TENM3: variants seen among roughly 807,000 people sequenced by gnomAD.
TENM3 encodes teneurin-3.
TENM3 carries 63 observed loss-of-function variants against 255.1 expected under a neutral mutation model. That is an observed-to-expected ratio of 0.25 (90% CI 0.20 to 0.30). TENM3 has a LOEUF of 0.30. TENM3 is among the 10% of genes least tolerant of loss of function. The pLI is 1.00. For synonymous variants in TENM3, 1,306 were observed against 1,322.3 expected (o/e 0.99, Z 0.27); for missense variants, 2,929 against 3,461.1 (o/e 0.85, Z 3.86).
the TENM3 span, among the ~76,000 whole-genome samples, chr4:181,703,874 G>A: frequency 3.9e-5 from 6 of 152,002 alleles, 1 homozygote; most frequent in South Asian, 6.2e-4. Context: ...ATTAAATTGC[G>A]TTTCAACCTT....
chr4:182,081,356 C>T, the TENM3 span, among the ~76,000 whole-genome samples: 4 of 151,770 alleles, frequency 2.6e-5, no homozygotes, highest in Non-Finnish European at 2.9e-5. Flanking sequence ...AAGGCCGAGG[C>T]GGGTGGATCA....
intron 1 of TENM3, among the ~76,000 whole-genome samples, chr4:182,232,070 C>A (rs1345123563): frequency 1.3e-5 from 2 of 152,188 alleles, no homozygotes; most frequent in Non-Finnish European, 2.9e-5. Flanking sequence ...ATACTACAGG[C>A]ATCTCTAGCT....
chr4:182,264,602 C>T (rs983521553), intron 1 of TENM3, among the ~76,000 whole-genome samples: 1 of 152,222 alleles, frequency 6.6e-6, no homozygotes, highest in African/African-American at 2.4e-5. Context: ...TTCCCAGTGG[C>T]GGTCCAGGTT....
chr4:182,780,550 G>T (rs1301534738), intron 24 of TENM3, among the ~76,000 whole-genome samples: 1 of 121,252 alleles, frequency 8.2e-6, no homozygotes, highest in Non-Finnish European at 1.7e-5. Flanking sequence ...CTCTTTTTTG[G>T]TTCCATATGA....
the TENM3 span, among the ~76,000 whole-genome samples, chr4:182,070,683 G>A: frequency 6.6e-6 from 1 of 152,118 alleles, no homozygotes; most frequent in African/African-American, 2.4e-5. Flanking sequence ...AGTGACAGAT[G>A]AGTCAGTCAT....
At chr4:182,000,776 G>A in the TENM3 span, among the ~76,000 whole-genome samples, 36 of 150,052 alleles carry the variant, frequency 2.4e-4, no homozygotes, top group African/African-American at 8.3e-4. Context: ...TACATTTGCC[G>A]AATTAGAGAA....
the TENM3 span, among the ~76,000 whole-genome samples, chr4:182,071,574 C>G: frequency 2.0e-5 from 3 of 151,682 alleles, no homozygotes; most frequent in Non-Finnish European, 4.4e-5. Flanking sequence ...GCCTCCCAAG[C>G]AGCTGGGATT....
At chr4:181,910,066 T>C in the TENM3 span, among the ~76,000 whole-genome samples, 1 of 152,200 alleles carries the variant, frequency 6.6e-6, no homozygotes, top group Non-Finnish European at 1.5e-5. Context: ...CGTATGCAAA[T>C]GTAGACACAT....
chr4:181,731,630 T>C, the TENM3 span, among the ~76,000 whole-genome samples: 4 of 152,170 alleles, frequency 2.6e-5, no homozygotes, highest in Non-Finnish European at 5.9e-5. Context: ...AAGTATTTAT[T>C]AAATGCCTAC....
the TENM3 span, among the ~76,000 whole-genome samples, chr4:181,905,216 A>T: frequency 6.6e-6 from 1 of 152,176 alleles, no homozygotes. Flanking sequence ...TGTTCCTGGC[A>T]TAATTATATA....
At chr4:181,699,078 A>G in the TENM3 span, among the ~76,000 whole-genome samples, 1 of 152,038 alleles carries the variant, frequency 6.6e-6, no homozygotes, top group Non-Finnish European at 1.5e-5. Context: ...TAGTGTGTCT[A>G]CTCCAGTACC....
intron 22 of TENM3, among the ~76,000 whole-genome samples, chr4:182,764,237 C>A (rs1763473742): frequency 6.6e-6 from 1 of 152,240 alleles, no homozygotes; most frequent in African/African-American, 2.4e-5. Flanking sequence ...TCAAGCATTT[C>A]CTGTTTAGCC....
chr4:181,860,976 C>T, the TENM3 span, among the ~76,000 whole-genome samples: 1 of 152,058 alleles, frequency 6.6e-6, no homozygotes, highest in Admixed American at 6.5e-5. Flanking sequence ...AAGATTCTCA[C>T]AAACAGGGGT....
chr4:181,479,561 T>C, the TENM3 span, among the ~76,000 whole-genome samples: 7 of 152,156 alleles, frequency 4.6e-5, no homozygotes, highest in East Asian at 3.8e-4. Flanking sequence ...TCCTGTACTT[T>C]ATTCTACTGT....
At chr4:182,248,363 T>G (rs551935771) in intron 1 of TENM3, among the ~76,000 whole-genome samples, 58 of 152,338 alleles carry the variant, frequency 3.8e-4, no homozygotes, top group Admixed American at 1.7e-3. Context: ...ACCATTTTCA[T>G]CATTCAGAGT....
the TENM3 span, among the ~76,000 whole-genome samples, chr4:181,496,321 T>C: frequency 2.0e-5 from 3 of 151,058 alleles, no homozygotes; most frequent in Admixed American, 2.0e-4. Context: ...CTTTAGTGTT[T>C]ATAGTGCTTG....
At chr4:181,852,114 G>A in the TENM3 span, among the ~76,000 whole-genome samples, 1 of 152,170 alleles carries the variant, frequency 6.6e-6, no homozygotes, top group Non-Finnish European at 1.5e-5. Flanking sequence ...ATTTAAAGAA[G>A]CAAGAACCCA....
the TENM3 span, among the ~76,000 whole-genome samples, chr4:181,691,847 C>T: frequency 6.6e-6 from 1 of 152,104 alleles, no homozygotes; most frequent in Non-Finnish European, 1.5e-5. Flanking sequence ...TCTGTCTTTC[C>T]CCACCCCATC....
intron 12 of TENM3, among the ~76,000 whole-genome samples, chr4:182,710,661 A>G (rs1217354032): frequency 6.6e-6 from 1 of 152,240 alleles, no homozygotes; most frequent in Non-Finnish European, 1.5e-5. Context: ...AGTTTCAGTC[A>G]TTCTGTTAGG....
Sources: gnomAD v4.1 joint callset for allele counts (sites outside exome capture counted in the v4.1 genomes callset) on GRCh38, gnomAD v4.1.1 for gene constraint, MANE v1.5 for transcripts, NCBI Gene and HGNC (gene_info 2026-07-23, HGNC 2026-07-21) for gene names.